Variants in SEMA5A observed in about 807,000 individuals in gnomAD.
SEMA5A encodes semaphorin-5A.
In SEMA5A, 55 loss-of-function variants were observed where a neutral mutation model predicts 135.5. That is an observed-to-expected ratio of 0.41 (90% CI 0.33 to 0.51). SEMA5A has a LOEUF of 0.51. SEMA5A is among the 20% of genes least tolerant of loss of function. The pLI, the probability that SEMA5A is intolerant of heterozygous loss-of-function variation, is 0.37. For synonymous variants in SEMA5A, 580 were observed against 546.5 expected (o/e 1.06, Z -0.85); for missense variants, 1,290 against 1,419.9 (o/e 0.91, Z 1.47).
intron 1 of SEMA5A, among the ~76,000 whole-genome samples, chr5:9,488,111 C>T (rs116122924): frequency 0.011 from 1,678 of 152,266 alleles, 27 homozygotes; most frequent in African/African-American, 0.037. Flanking sequence ...AAGCTGGTTA[C>T]CCCATAGGGT....
chr5:9,496,355 T>C (rs941174479), intron 1 of SEMA5A, among the ~76,000 whole-genome samples: 2 of 152,208 alleles, frequency 1.3e-5, no homozygotes, highest in Non-Finnish European at 2.9e-5. Flanking sequence ...TCAATATTTC[T>C]TAAGTGAACA....
At chr5:9,277,835 G>A (rs1246350170) in intron 5 of SEMA5A, among the ~76,000 whole-genome samples, 1 of 152,090 alleles carries the variant, frequency 6.6e-6, no homozygotes, top group Admixed American at 6.5e-5. Flanking sequence ...GGGAGGGATA[G>A]CATTAGGAGA....
At position 9,386,595 on chromosome 5, in the gene SEMA5A, G is replaced by A. The variant is rs961150109; in HGVS notation, c.-77-6572C>T. 8.5e-5 allele frequency among the ~76,000 whole-genome samples: 13 copies of A among 152,218 alleles called. No homozygotes were observed. In the East Asian group the frequency reaches 2.1e-3, roughly 25 times the overall value. ...CTGCTCCTGGTGCAGACTGTCTTCCGTGGTCACACCATGGTGGCTGACACC... is the reference window on the plus strand; with the variant it reads ...CTGCTCCTGGTGCAGACTGTCTTCCATGGTCACACCATGGTGGCTGACACC... On this transcript the variant is annotated intron_variant, in intron 2 of 22. Coordinates refer to ENST00000382496, the MANE Select transcript of SEMA5A (RefSeq NM_003966.3).
intron 2 of SEMA5A, among the ~76,000 whole-genome samples, chr5:9,435,060 C>T (rs562880053): frequency 1.3e-5 from 2 of 152,244 alleles, no homozygotes; most frequent in South Asian, 4.1e-4. Flanking sequence ...AATCATACCA[C>T]AATTTATTTA....
intron 11 of SEMA5A, among the ~76,000 whole-genome samples, chr5:9,166,080 G>T (rs193053549): frequency 1.3e-5 from 2 of 152,226 alleles, no homozygotes; most frequent in East Asian, 3.9e-4. Context: ...TAGTCAGTCG[G>T]TTTAAACTTT....
chr5:9,534,191 CAT>C (rs1382830105), intron 1 of SEMA5A, among the ~76,000 whole-genome samples: 1 of 152,176 alleles, frequency 6.6e-6, no homozygotes, highest in Non-Finnish European at 1.5e-5. Flanking sequence ...GGGCCTCCCA[CAT>C]GAGGCCCCAC....
intron 12 of SEMA5A, among the ~76,000 whole-genome samples, chr5:9,152,547 ACT>A (rs1287342339): frequency 6.6e-6 from 1 of 151,942 alleles, no homozygotes; most frequent in African/African-American, 2.4e-5. Context: ...TTATTCCTCA[ACT>A]CTCTCTCTCA....
chr5:9,133,451 T>A (rs1486334153), intron 13 of SEMA5A, among the ~76,000 whole-genome samples: 1 of 152,184 alleles, frequency 6.6e-6, no homozygotes, highest in Non-Finnish European at 1.5e-5. Context: ...CTAAAGTGTA[T>A]CTTGATATGT....
intron 16 of SEMA5A, among the ~76,000 whole-genome samples, chr5:9,080,864 A>T (rs1358056929): frequency 1.3e-5 from 2 of 152,028 alleles, no homozygotes; most frequent in Non-Finnish European, 2.9e-5. Context: ...TGGTGGGGAG[A>T]ATTCTAAGAA....
chr5:9,198,292 A>G (rs1745525263), intron 9 of SEMA5A, among the ~76,000 whole-genome samples: 1 of 152,184 alleles, frequency 6.6e-6, no homozygotes, highest in South Asian at 2.1e-4. Flanking sequence ...GGACTTTACT[A>G]ATTCCCATTC....
chr5:9,174,185 G>A (rs997208732), intron 11 of SEMA5A, among the ~76,000 whole-genome samples: 9 of 152,172 alleles, frequency 5.9e-5, no homozygotes, highest in African/African-American at 9.7e-5. Context: ...TAATTGCACC[G>A]CTGTAAATTA....
chr5:9,221,520 T>C (rs533779893), intron 8 of SEMA5A, among the ~76,000 whole-genome samples: 28 of 151,976 alleles, frequency 1.8e-4, no homozygotes, highest in East Asian at 9.8e-4. Flanking sequence ...GCCAGGATGG[T>C]CTCGATCTCC....
intron 8 of SEMA5A, among the ~76,000 whole-genome samples, chr5:9,208,579 A>G (rs1044794755): frequency 2.6e-5 from 4 of 152,126 alleles, no homozygotes; most frequent in African/African-American, 9.7e-5. Flanking sequence ...TGAGGCTGAG[A>G]AGGGGCCACC....
intron 1 of SEMA5A, among the ~76,000 whole-genome samples, chr5:9,493,311 C>T (rs1735127620): frequency 6.6e-6 from 1 of 150,542 alleles, no homozygotes; most frequent in Non-Finnish European, 1.5e-5. Flanking sequence ...ATATATAAAA[C>T]ATTATATATA....
At position 9,319,461 on chromosome 5, in the gene SEMA5A, T is replaced by C. The variant is rs78603413; in HGVS notation, c.225-1044A>G. On this transcript the variant is annotated intron_variant, in intron 4 of 22. Transcript: ENST00000382496. ...ATCAGTAGAGGACACAGAAAAAAGA[T>C]AGATTAGTTACACTGGGCTTTGGAC... Among the ~76,000 whole-genome samples, 534 of 152,106 alleles carry C rather than the reference T, an allele frequency of 3.5e-3. 3 individuals carry two copies. Among genetic ancestry groups the C allele is most frequent in the East Asian group, 0.016 (81 of 5,142 alleles).
chr5:9,150,385 A>C (rs1742567835), intron 12 of SEMA5A, among the ~76,000 whole-genome samples: 2 of 152,106 alleles, frequency 1.3e-5, no homozygotes, highest in Admixed American at 1.3e-4. Context: ...TTTCTCTGGT[A>C]CTCTACATCC....
At chr5:9,059,337 G>A (rs1379666038) in intron 18 of SEMA5A, among the ~76,000 whole-genome samples, 3 of 152,098 alleles carry the variant, frequency 2.0e-5, no homozygotes, top group Middle Eastern at 6.3e-3. Context: ...TTGAGGAAAA[G>A]GAGTGAAGAA....
At chr5:9,133,241 C>T (rs1356458580) in intron 13 of SEMA5A, among the ~76,000 whole-genome samples, 3 of 152,072 alleles carry the variant, frequency 2.0e-5, no homozygotes, top group Non-Finnish European at 2.9e-5. Flanking sequence ...TATATTAATG[C>T]AAATCATTTA....
intron 2 of SEMA5A, among the ~76,000 whole-genome samples, chr5:9,406,309 G>A (rs73740543): frequency 0.017 from 2,625 of 152,308 alleles, 70 homozygotes; most frequent in African/African-American, 0.059. Context: ...AGGCTGGCCA[G>A]TGGGAATAGT....
Sources: gnomAD v4.1 joint callset for allele counts (sites outside exome capture counted in the v4.1 genomes callset) on GRCh38, gnomAD v4.1.1 for gene constraint, MANE v1.5 for transcripts, NCBI Gene and HGNC (gene_info 2026-07-23, HGNC 2026-07-21) for gene names.